NSMAF: variants seen among roughly 807,000 people sequenced by gnomAD.
NSMAF encodes the protein protein FAN.
Under a neutral mutation model 134.9 loss-of-function variants are expected in NSMAF, and 90 were observed. That is an observed-to-expected ratio of 0.67 (90% CI 0.56 to 0.79). NSMAF has a LOEUF of 0.79. Among genes scored for constraint, NSMAF ranks in the 30% least tolerant of loss-of-function variants. The probability of loss-of-function intolerance (pLI) is 0.00; values close to 1 mark genes in which losing one functional copy is unlikely to be tolerated. For missense variants in NSMAF, 1,010 were observed against 1,119.0 expected, an observed-to-expected ratio of 0.90 and a Z score of 1.39; for synonymous variants, 358 against 389.6, an observed-to-expected ratio of 0.92 and a Z score of 0.96.
intron 11 of NSMAF, among the ~76,000 whole-genome samples, chr8:58,606,652 T>C (rs1806417635): frequency 6.6e-6 from 1 of 152,158 alleles, no homozygotes; most frequent in South Asian, 2.1e-4. Context: ...TATTATCTTA[T>C]AAAAACCTAT....
intron 11 of NSMAF, among the ~76,000 whole-genome samples, chr8:58,606,770 A>T (rs573534025): frequency 1.2e-4 from 18 of 152,354 alleles, no homozygotes; most frequent in African/African-American, 3.8e-4. Context: ...TTCACCATGT[A>T]CTAGCTGGGA....
Position 58,591,210 on chromosome 8 carries a change from C to T in NSMAF, c.1952-276G>A, listed in dbSNP as rs182272350. Among the ~76,000 whole-genome samples, 80 of 152,118 alleles carry T rather than the reference C, an allele frequency of 5.3e-4. 1 individual carries two copies. Among genetic ancestry groups the T allele is most frequent in the Admixed American group, 4.1e-3 (62 of 15,284 alleles). ...GTTGACATTTCAGCATGACTGCAGG[C>T]AGAAATGTGGTAGCTGGTATATGCA... On this transcript the variant is annotated intron_variant, in intron 23 of 30. Coordinates refer to ENST00000038176, the MANE Select transcript of NSMAF (RefSeq NM_003580.4).
intron 2 of NSMAF, among the ~76,000 whole-genome samples, chr8:58,640,967 G>C (rs964329871): frequency 7.9e-5 from 12 of 152,070 alleles, no homozygotes; most frequent in Non-Finnish European, 1.5e-4. Flanking sequence ...TGTCACCCAG[G>C]CTGGAGTGCA....
chr8:58,587,927 C>T (rs963833810), intron 26 of NSMAF, among the ~76,000 whole-genome samples: 3 of 152,164 alleles, frequency 2.0e-5, no homozygotes, highest in Non-Finnish European at 2.9e-5. Flanking sequence ...ATCACCTGCA[C>T]TTGCTGCTGT....
rs1398955077 is a variant in NSMAF at position 58,597,511 on chromosome 8, T to C, written c.1668A>G (p.Gln556=). The C allele has an allele frequency of 6.2e-7, 1 of 1,614,104 alleles. No individual in the cohort carries two copies. The highest frequency in any genetic ancestry group is 2.2e-5 in the East Asian group (1 of 44,896). The change falls in exon 21 of 31, where the codon CAA becomes CAG. Residue 556 remains glutamine, a synonymous_variant. Transcript: ENST00000038176. Reference sequence around the variant, plus strand: ...TTGGTGTCTGCCCAAATTCCAAGATTTGCGTAAGCATGGCTACCTTCTCAT... The same window carrying C: ...TTGGTGTCTGCCCAAATTCCAAGATCTGCGTAAGCATGGCTACCTTCTCAT... The part of the protein sequence containing the change: ...DPDEKVAMLT[Q]ILEFGQTPKQ...
chr8:58,599,393 T>G lies in NSMAF; in HGVS notation c.1454-30A>C, dbSNP rs1806221390. ...TAGATTAGACTCAATCGAAAAATCA[T>G]GGAGTCTTCATTTTTTTCCTCCCAT... On this transcript the variant is annotated intron_variant, in intron 18 of 30. Coordinates refer to ENST00000038176, the MANE Select transcript of NSMAF (RefSeq NM_003580.4). 3.1e-6 allele frequency: 5 copies of G among 1,608,038 alleles called. No individual in the cohort carries two copies. The African/African-American group carries it at 6.7e-5, about 22-fold the overall frequency.
chr8:58,591,771 G>A (rs1452549858), intron 23 of NSMAF, among the ~76,000 whole-genome samples: 2 of 152,054 alleles, frequency 1.3e-5, no homozygotes, highest in Non-Finnish European at 2.9e-5. Flanking sequence ...ACAGGTGTGA[G>A]TAACTGTGCC....
intron 1 of NSMAF, among the ~76,000 whole-genome samples, chr8:58,658,315 C>A (rs987669584): frequency 6.6e-6 from 1 of 152,188 alleles, no homozygotes; most frequent in Admixed American, 6.5e-5. Flanking sequence ...ATAAACAACC[C>A]TTTCTGTGAC....
At chr8:58,584,261 T>A in intron 30 of NSMAF, 61 bp from the exon 31 acceptor site, 1 of 1,167,002 alleles carries the variant, frequency 8.6e-7, no homozygotes, top group South Asian at 1.3e-5. Context: ...AAGATAAACT[T>A]TACTCTGATG....
intron 1 of NSMAF, among the ~76,000 whole-genome samples, chr8:58,656,401 T>C (rs1376761259): frequency 1.3e-5 from 2 of 152,224 alleles, no homozygotes; most frequent in Non-Finnish European, 1.5e-5. Context: ...TTTATAAACA[T>C]CAACAATAAA....
chr8:58,603,152 A>C, intron 13 of NSMAF, 58 bp downstream of exon 13: 1 of 1,487,776 alleles, frequency 6.7e-7, no homozygotes, highest in Non-Finnish European at 9.3e-7. Flanking sequence ...TCCTTTAAAA[A>C]CAATACAGAT....
In NSMAF at chr8:58,635,559, G is replaced by C. The variant is rs372398083; in HGVS notation, c.150-13C>G. 4.6e-6 allele frequency: 7 copies of C among 1,529,372 alleles called. No individual in the cohort carries two copies. Among genetic ancestry groups the C allele is most frequent in the Non-Finnish European group, 6.2e-6 (7 of 1,121,740 alleles). 94.7% of individuals were successfully genotyped at this position (1,529,372 alleles called of 1,614,324 possible). A position where few individuals can be genotyped will look rare whatever the true frequency, so the allele number is the denominator to read the frequency against. ...GCCTCTGATTTTCCTAGGGATCCAA[G>C]TACAACAGATTGTTTGATGAGCATA... On this transcript the variant is annotated splice_polypyrimidine_tract_variant and intron_variant, in intron 2 of 30. Transcript: ENST00000038176.
At chr8:58,633,456 T>C (rs1242202167) in intron 5 of NSMAF, among the ~76,000 whole-genome samples, 3 of 152,250 alleles carry the variant, frequency 2.0e-5, no homozygotes, top group Non-Finnish European at 2.9e-5. Flanking sequence ...CATGAGAACA[T>C]TCCTTATCAT....
intron 5 of NSMAF, among the ~76,000 whole-genome samples, chr8:58,633,597 T>C (rs1442111605): frequency 1.3e-5 from 2 of 152,210 alleles, no homozygotes; most frequent in African/African-American, 2.4e-5. Flanking sequence ...GCTTCAGATA[T>C]CTTGTTCTTC....
At chr8:58,616,097 G>A (rs189293625) in intron 9 of NSMAF, among the ~76,000 whole-genome samples, 75 of 152,258 alleles carry the variant, frequency 4.9e-4, no homozygotes, top group African/African-American at 1.8e-3. Flanking sequence ...AGGAACAGAA[G>A]AAACAGACAA....
rs1554572269 is a variant in NSMAF at position 58,585,317 on chromosome 8, G to GTTATTTTTTTTTTTTT, written c.2659+334_2659+335insAAAAAAAAAAAAATAA. Among the ~76,000 whole-genome samples the GTTATTTTTTTTTTTTT allele has an allele frequency of 2.9e-3, 424 of 144,252 alleles. 8 individuals are homozygous for GTTATTTTTTTTTTTTT. Among genetic ancestry groups the GTTATTTTTTTTTTTTT allele is most frequent in the African/African-American group, 0.01 (407 of 39,024 alleles). The allele number at this position is 144,252 out of a possible 152,430, so 94.6% of individuals were successfully genotyped here. ...GTAGTTCCTATTGTATTGTTTCTGG[G>GTTATTTTTTTTTTTTT]TTTTTTTTTTTTCTCTTTTTTTACT... On this transcript the variant is annotated intron_variant, in intron 30 of 30. Coordinates refer to ENST00000038176, the MANE Select transcript of NSMAF (RefSeq NM_003580.4).
intron 19 of NSMAF, among the ~76,000 whole-genome samples, chr8:58,598,851 T>C (rs184568583): frequency 6.6e-6 from 1 of 151,840 alleles, no homozygotes; most frequent in African/African-American, 2.4e-5. Context: ...GGTGAAACCG[T>C]CACGACCAAA....
chr8:58,595,464 T>A, intron 22 of NSMAF, 96 bp downstream of exon 22: 1 of 792,630 alleles, frequency 1.3e-6, no homozygotes, highest in Non-Finnish European at 2.1e-6. Context: ...AAGGGAATTT[T>A]CCCTCTGACT....
rs1345118314 is a variant in NSMAF at position 58,631,546 on chromosome 8, C to A, written c.334G>T (p.Val112Leu). Residue 112 changes from valine to leucine, a missense_variant and splice_region_variant, in exon 6 of 31, where the codon GTA becomes TTA. By Grantham distance (32) the Val-to-Leu change is conservative (BLOSUM62 1). Transcript: ENST00000038176. ...SGGISLIFSQ[V>L]YFIKEHNVVA... is the part of the protein sequence containing the mutation. ...ACATTATGTTCTTTAATGAAATATA[C>A]CTGAGCAAGAAAAAGCAATACTTGT... The A allele has an allele frequency of 1.4e-6, 2 of 1,476,882 alleles. No individual in the cohort carries two copies. The highest frequency in any genetic ancestry group is 1.3e-5 in the South Asian group (1 of 79,738). The allele number at this position is 1,476,882 out of a possible 1,614,324, so 91.5% of individuals were successfully genotyped here. A position where few individuals can be genotyped will look rare whatever the true frequency, so the allele number is the denominator to read the frequency against.
Sources: gnomAD v4.1 joint callset for allele counts (sites outside exome capture counted in the v4.1 genomes callset) on GRCh38, gnomAD v4.1.1 for gene constraint, MANE v1.5 for transcripts, NCBI Gene and HGNC (gene_info 2026-07-23, HGNC 2026-07-21) for gene names.